The following MED27 variants were observed in gnomAD, a reference collection of about 807,000 sequenced individuals.
The protein encoded by MED27 is mediator complex subunit 27, also known as mediator of RNA polymerase II transcription subunit 27.
Under a neutral mutation model 38.2 loss-of-function variants are expected in MED27, and 30 were observed. The ratio of observed to expected loss-of-function variants is 0.79; its 90% CI spans 0.59 to 1.07. MED27 has a LOEUF of 1.07. Among genes scored for constraint, MED27 ranks in the 50% least tolerant of loss-of-function variants. The pLI, the probability that MED27 is intolerant of heterozygous loss-of-function variation, is 0.00. For missense variants in MED27, 289 were observed against 397.5 expected (o/e 0.73, Z 2.32); for synonymous variants, 122 against 153.5 (o/e 0.79, Z 1.52).
In MED27 at chr9:131,860,160, A is replaced by G; in HGVS notation, c.*378T>C. 5.4e-6 allele frequency: 1 copy of G among 184,114 alleles called. No individual in the cohort carries two copies. Among genetic ancestry groups the G allele is most frequent in the East Asian group, 1.4e-4 (1 of 7,104 alleles). The allele number at this position is 184,114 out of a possible 1,614,324, so 11.4% of individuals were successfully genotyped here. On this transcript the variant is annotated 3_prime_UTR_variant, in exon 8 of 8. Transcript: ENST00000292035. This position sits in a 1 kb window ranked among gnomAD's most constrained non-coding sequence, Gnocchi z 5.8. ...TATAAAAATAAGTTACCAAAACCCA[A>G]GCCCCACAAAACACAAGAACCCCGC...
intron 6 of MED27, among the ~76,000 whole-genome samples, chr9:131,877,936 C>A (rs558014090): frequency 2.0e-5 from 3 of 152,228 alleles, no homozygotes; most frequent in Non-Finnish European, 2.9e-5. Flanking sequence ...AGTAAACAGA[C>A]CTTGATCAAG....
intron 6 of MED27, among the ~76,000 whole-genome samples, chr9:131,867,758 G>C (rs919081299): frequency 6.6e-5 from 10 of 152,232 alleles, no homozygotes; most frequent in African/African-American, 2.4e-4. Flanking sequence ...GCTATTCCTA[G>C]GGATGCTAAA....
rs564779979 is a variant in MED27, at chr9:131,985,505, A to G, written c.479+28832T>C. Among the ~76,000 whole-genome samples the G allele has an allele frequency of 8.5e-5, 13 of 152,326 alleles. No individual in the cohort carries two copies. The South Asian group carries it at 2.3e-3, about 27-fold the overall frequency. ...AATGAAGCTGGAAAATTCCTATCAC[A>G]TAGTAGCCATGGTAAAGTCACAGCA... On this transcript the variant is annotated intron_variant, in intron 3 of 7. Coordinates refer to ENST00000292035, the MANE Select transcript of MED27 (RefSeq NM_004269.4).
chr9:132,016,620 A>G (rs1832608216), intron 2 of MED27, among the ~76,000 whole-genome samples: 2 of 152,220 alleles, frequency 1.3e-5, no homozygotes, highest in Admixed American at 1.3e-4. Flanking sequence ...TGAGTGCAAT[A>G]TGCATGGGGC....
chr9:132,006,937 C>T (rs772043887), intron 3 of MED27, among the ~76,000 whole-genome samples: 1 of 152,210 alleles, frequency 6.6e-6, no homozygotes, highest in Non-Finnish European at 1.5e-5. Flanking sequence ...GCATCTACCA[C>T]ACATCTTGGA....
intron 2 of MED27, among the ~76,000 whole-genome samples, chr9:132,072,748 T>C (rs1833969087): frequency 1.3e-5 from 2 of 152,008 alleles, no homozygotes; most frequent in African/African-American, 4.8e-5. Context: ...CCTAAAGTCA[T>C]GATGATTAAA....
chr9:131,985,421 G>A (rs1831827572), intron 3 of MED27, among the ~76,000 whole-genome samples: 1 of 152,188 alleles, frequency 6.6e-6, no homozygotes, highest in Admixed American at 6.5e-5. Context: ...ACACAGTCAA[G>A]TGTCGCATAA....
At chr9:132,072,013 C>T (rs531840441) in intron 2 of MED27, among the ~76,000 whole-genome samples, 9 of 151,872 alleles carry the variant, frequency 5.9e-5, no homozygotes, top group East Asian at 2.0e-4. Context: ...TGAGCACACA[C>T]GTGTATGCGC....
intron 4 of MED27, among the ~76,000 whole-genome samples, chr9:131,909,026 G>T (rs1355717966): frequency 6.6e-6 from 1 of 152,144 alleles, no homozygotes; most frequent in East Asian, 1.9e-4. Context: ...CAACTAGGGT[G>T]GTGGCAGTAG....
At chr9:132,068,602 A>T (rs9411340) in intron 2 of MED27, among the ~76,000 whole-genome samples, 86,106 of 151,772 alleles carry the variant, frequency 0.57, 26,465 homozygotes, top group Non-Finnish European at 0.68. Flanking sequence ...AAATCAATAG[A>T]TCTGTCAGAG....
chr9:131,882,823 T>C (rs1839071708), intron 6 of MED27, among the ~76,000 whole-genome samples: 1 of 152,174 alleles, frequency 6.6e-6, no homozygotes. Flanking sequence ...CTGGAGTCAT[T>C]TGTTAGGCTT....
In MED27 at chr9:131,981,594, G is replaced by A. The variant is rs897531168; in HGVS notation, c.479+32743C>T. 2.0e-5 allele frequency among the ~76,000 whole-genome samples: 3 copies of A among 152,306 alleles called. No individual in the cohort carries two copies. The East Asian group carries it at 5.8e-4, about 29-fold the overall frequency. ...CCAAAAGAGGAGGAGGAGCAGAAAGGGCTCATATAATTTACAACAGCCTGG... is the reference window on the plus strand; with the variant it reads ...CCAAAAGAGGAGGAGGAGCAGAAAGAGCTCATATAATTTACAACAGCCTGG... On this transcript the variant is annotated intron_variant, in intron 3 of 7. Transcript: ENST00000292035.
intron 6 of MED27, among the ~76,000 whole-genome samples, chr9:131,865,251 TGACA>T (rs1373062486): frequency 6.6e-6 from 1 of 152,236 alleles, no homozygotes; most frequent in East Asian, 1.9e-4. Context: ...TAAGCATTTT[TGACA>T]GACAGCTTTC....
At chr9:131,934,001 A>C (rs1830637329) in intron 4 of MED27, among the ~76,000 whole-genome samples, 1 of 152,214 alleles carries the variant, frequency 6.6e-6, no homozygotes, top group South Asian at 2.1e-4. Context: ...ATTTTTGACA[A>C]AGATGCCAAG....
At chr9:132,035,991 A>C (rs1332972241) in intron 2 of MED27, among the ~76,000 whole-genome samples, 6 of 151,942 alleles carry the variant, frequency 3.9e-5, no homozygotes, top group South Asian at 2.1e-4. Context: ...CACAAAAAAA[A>C]CCCCAAGACC....
intron 4 of MED27, among the ~76,000 whole-genome samples, chr9:131,896,838 T>C (rs911180660): frequency 1.1e-4 from 16 of 152,232 alleles, no homozygotes; most frequent in African/African-American, 3.9e-4. Flanking sequence ...TTCAAGCGAT[T>C]TTCCTGCCTC....
At chr9:131,946,417 T>C (rs1383651976) in intron 3 of MED27, among the ~76,000 whole-genome samples, 1 of 152,120 alleles carries the variant, frequency 6.6e-6, no homozygotes, top group African/African-American at 2.4e-5. Context: ...ACGTATCTTT[T>C]GTGTCTGTTT....
At chr9:131,952,976 C>T (rs962960499) in intron 3 of MED27, among the ~76,000 whole-genome samples, 5 of 152,184 alleles carry the variant, frequency 3.3e-5, no homozygotes, top group African/African-American at 1.2e-4. Flanking sequence ...AAACACATGA[C>T]ATTAAAACCA....
intron 3 of MED27, among the ~76,000 whole-genome samples, chr9:131,973,618 G>A (rs1330504590): frequency 1.3e-5 from 2 of 152,018 alleles, no homozygotes; most frequent in African/African-American, 4.8e-5. Flanking sequence ...TGGACGGGCT[G>A]CAGCCGTCTT....
Sources: gnomAD v4.1 joint callset for allele counts (sites outside exome capture counted in the v4.1 genomes callset) on GRCh38, gnomAD v4.1.1 for gene constraint, Gnocchi (gnomAD v3.1) non-coding constraint, MANE v1.5 for transcripts, NCBI Gene and HGNC (gene_info 2026-07-23, HGNC 2026-07-21) for gene names.